The following MCC variants were observed in gnomAD, a reference collection of about 807,000 sequenced individuals.
MCC encodes the protein colorectal mutant cancer protein.
In MCC, 90 loss-of-function variants were observed where a neutral mutation model predicts 116.2. The observed-to-expected ratio is 0.77, with a 90% CI of 0.65 to 0.92. The LOEUF (loss-of-function observed/expected upper bound fraction) is 0.92. Ranked by LOEUF, MCC falls within the 40% of genes least tolerant of loss-of-function variation. The probability of loss-of-function intolerance (pLI) is 0.00; values close to 1 mark genes in which losing one functional copy is unlikely to be tolerated. For synonymous variants in MCC, 578 were observed against 510.5 expected, an observed-to-expected ratio of 1.13 and a Z score of -1.78; for missense variants, 1,516 against 1,312.2, an observed-to-expected ratio of 1.16 and a Z score of -2.40.
At chr5:113,175,802 C>G (rs926027610) in intron 3 of MCC, among the ~76,000 whole-genome samples, 1 of 151,824 alleles carries the variant, frequency 6.6e-6, no homozygotes, top group Non-Finnish European at 1.5e-5. Context: ...CCCTAGAGTA[C>G]TTTTCATGAA....
chr5:113,137,071 G>A lies in MCC; in HGVS notation c.884+6147C>T, dbSNP rs61318815. On this transcript the variant is annotated intron_variant, in intron 5 of 18. Transcript: ENST00000408903. ...GCTATAAAGAACTTCCCTGAGACTG[G>A]GTAACTTATAAAGGAAAGAGGTTTA... Among the ~76,000 whole-genome samples the A allele has an allele frequency of 6.9e-3, 1,055 of 152,258 alleles. 22 individuals carry two copies. Among genetic ancestry groups the A allele is most frequent in the African/African-American group, 0.024 (984 of 41,538 alleles).
At chr5:113,365,852 C>A (rs185042972) in intron 2 of MCC, among the ~76,000 whole-genome samples, 1 of 152,226 alleles carries the variant, frequency 6.6e-6, no homozygotes, top group African/African-American at 2.4e-5. Flanking sequence ...GTGTTACATG[C>A]TTTTAAACAA....
intron 3 of MCC, among the ~76,000 whole-genome samples, chr5:113,262,755 G>A (rs2150349178): frequency 6.6e-6 from 1 of 152,204 alleles, no homozygotes; most frequent in South Asian, 2.1e-4. Flanking sequence ...GCCTATTAAA[G>A]GAAATTCCTG....
chr5:113,324,191 C>T (rs1767491759), intron 3 of MCC, among the ~76,000 whole-genome samples: 1 of 152,062 alleles, frequency 6.6e-6, no homozygotes, highest in East Asian at 1.9e-4. Flanking sequence ...AGCCTCTGAA[C>T]CTCACCAAAT....
In MCC at chr5:113,035,170, C is replaced by T. The variant is rs1001302316; in HGVS notation, c.2757-6114G>A. ...TCTCCTGTGTTGGCTAATGGCACCACCTTTCAGCCAGTCACTCATTGGGCT... is the reference window on the plus strand; with the variant it reads ...TCTCCTGTGTTGGCTAATGGCACCATCTTTCAGCCAGTCACTCATTGGGCT... On this transcript the variant is annotated intron_variant, in intron 17 of 18. Coordinates refer to ENST00000408903, the MANE Select transcript of MCC (RefSeq NM_001085377.2). Among the ~76,000 whole-genome samples, 11 of 152,346 alleles carry T rather than the reference C, an allele frequency of 7.2e-5. No homozygotes were observed. The South Asian group carries it at 8.3e-4, about 11-fold the overall frequency.
intron 3 of MCC, among the ~76,000 whole-genome samples, chr5:113,292,149 T>G (rs1456873910): frequency 6.6e-6 from 1 of 152,058 alleles, no homozygotes; most frequent in East Asian, 1.9e-4. Flanking sequence ...AGAGAATCGC[T>G]TGAACCCGGG....
Position 113,082,976 on chromosome 5 carries a change from G to A in MCC, c.1668C>T (p.His556=), listed in dbSNP as rs764085717. The A allele has an allele frequency of 2.4e-5, 39 of 1,613,918 alleles. No homozygotes were observed. Among genetic ancestry groups the A allele is most frequent in the Non-Finnish European group, 3.3e-5 (39 of 1,179,984 alleles). ...VSSSVAEHLA[H]SLQDCSNIQE... is the part of the protein sequence containing the mutation. Reference sequence around the variant, plus strand: ...GGATATTGGAGCAGTCCTGAAGTGAGTGGGCCAGGTGTTCAGCCACACTGC... The same window carrying A: ...GGATATTGGAGCAGTCCTGAAGTGAATGGGCCAGGTGTTCAGCCACACTGC... The change falls in exon 11 of 19, where the codon CAC becomes CAT. Residue 556 remains histidine, a synonymous_variant. Transcript: ENST00000408903.
At chr5:113,124,911 TGG>T (rs1208391044) in intron 5 of MCC, among the ~76,000 whole-genome samples, 1 of 152,198 alleles carries the variant, frequency 6.6e-6, no homozygotes, top group African/African-American at 2.4e-5. Context: ...GGGCTGCCAG[TGG>T]GGAGTGACCA....
chr5:113,232,360 A>C (rs1051092109), intron 3 of MCC, among the ~76,000 whole-genome samples: 3 of 152,206 alleles, frequency 2.0e-5, no homozygotes, highest in African/African-American at 7.2e-5. Context: ...GTCCAGTTAC[A>C]TAATTTTGGA....
chr5:113,437,366 C>G (rs866001434), intron 1 of MCC, among the ~76,000 whole-genome samples: 1 of 152,094 alleles, frequency 6.6e-6, no homozygotes, highest in Admixed American at 6.6e-5. Context: ...GAGTGATCAT[C>G]GCAAAGAAAG....
intron 2 of MCC, among the ~76,000 whole-genome samples, chr5:113,367,200 A>G (rs1189520009): frequency 2.0e-5 from 3 of 152,082 alleles, no homozygotes; most frequent in Non-Finnish European, 2.9e-5. Flanking sequence ...TAAATAATGA[A>G]TATGCAAATT....
At chr5:113,170,306 T>A (rs1348539655) in intron 3 of MCC, among the ~76,000 whole-genome samples, 1 of 152,226 alleles carries the variant, frequency 6.6e-6, no homozygotes, top group Non-Finnish European at 1.5e-5. Context: ...TTCAATGGAC[T>A]TTACTTCTAA....
At chr5:113,452,437 T>C (rs1223869402) in intron 1 of MCC, among the ~76,000 whole-genome samples, 1 of 152,184 alleles carries the variant, frequency 6.6e-6, no homozygotes, top group African/African-American at 2.4e-5. Context: ...CAAATGGGAT[T>C]AGTGCCCTTA....
intron 3 of MCC, among the ~76,000 whole-genome samples, chr5:113,205,867 C>T (rs552296725): frequency 7.9e-5 from 12 of 152,316 alleles, no homozygotes; most frequent in Admixed American, 6.5e-5. Flanking sequence ...GTTCAGTCAA[C>T]GCAGTGCATA....
intron 11 of MCC, among the ~76,000 whole-genome samples, chr5:113,078,901 T>G (rs570109555): frequency 5.4e-4 from 82 of 152,340 alleles, no homozygotes; most frequent in Non-Finnish European, 7.8e-4. Flanking sequence ...ATTGTATATT[T>G]AGAAATCCCC....
At chr5:113,213,804 C>T (rs1165557594) in intron 3 of MCC, among the ~76,000 whole-genome samples, 1 of 152,210 alleles carries the variant, frequency 6.6e-6, no homozygotes, top group Non-Finnish European at 1.5e-5. Flanking sequence ...CCCTTTGTTG[C>T]CTCTGTCACT....
At chr5:113,181,759 A>G (rs1761639705) in intron 3 of MCC, among the ~76,000 whole-genome samples, 2 of 152,248 alleles carry the variant, frequency 1.3e-5, no homozygotes, top group Non-Finnish European at 2.9e-5. Context: ...CTTCACATAT[A>G]AAACTCACAA....
In MCC at chr5:113,071,476, C is replaced by T. The variant is rs767164705; in HGVS notation, c.1785-242G>A. The stretch of plus-strand genomic sequence containing the variant: ...TAAGCCCCCCAGCCATTGCCACACT[C>T]ACTCCATGTCTATCATGAGCAGGGC... On this transcript the variant is annotated intron_variant, in intron 11 of 18. Transcript: ENST00000408903. 2.0e-5 allele frequency among the ~76,000 whole-genome samples: 3 copies of T among 152,198 alleles called. 1 individual carries two copies. Among genetic ancestry groups the T allele is most frequent in the Non-Finnish European group, 2.9e-5 (2 of 68,052 alleles).
At chr5:113,114,477 G>A (rs779109521) in intron 6 of MCC, among the ~76,000 whole-genome samples, 2 of 152,190 alleles carry the variant, frequency 1.3e-5, no homozygotes, top group Admixed American at 1.3e-4. Context: ...GGTCCCTGGC[G>A]AAGCCCCACC....
Sources: allele counts gnomAD v4.1 joint callset (sites outside exome capture counted in the v4.1 genomes callset), GRCh38; gene constraint gnomAD v4.1.1; transcripts MANE v1.5; gene names NCBI Gene and HGNC (gene_info 2026-07-23, HGNC 2026-07-21).